The following OCLN variants were observed in gnomAD, a reference collection of about 807,000 sequenced individuals.
The protein encoded by OCLN is occludin, also known as phosphatase 1, regulatory subunit 115.
A neutral mutation model predicts 47.9 loss-of-function variants in OCLN; 21 were observed. The observed-to-expected ratio is 0.44, with a 90% confidence interval of 0.31 to 0.63. The LOEUF is 0.63. Ranked by LOEUF, OCLN falls within the 30% of genes least tolerant of loss-of-function variation. The pLI, the probability that OCLN is intolerant of heterozygous loss-of-function variation, is 0.08. For synonymous variants in OCLN, 117 were observed against 198.4 expected (o/e 0.59, Z 3.45); for missense variants, 360 against 571.0 (o/e 0.63, Z 3.77).
chr5:69,497,737 G>A (rs900925290), intron 1 of OCLN, among the ~76,000 whole-genome samples: 3 of 152,142 alleles, frequency 2.0e-5, no homozygotes, highest in Non-Finnish European at 4.4e-5. Context: ...ACATAGTTTA[G>A]AATGTGATGT....
intron 1 of OCLN, among the ~76,000 whole-genome samples, chr5:69,499,209 T>TGGC (rs1768388291): frequency 6.6e-6 from 1 of 152,110 alleles, no homozygotes; most frequent in Non-Finnish European, 1.5e-5. Flanking sequence ...AGCTGGAACT[T>TGGC]ACAGGGATGT....
At chr5:69,512,662 G>C (rs1489838932) in intron 3 of OCLN, among the ~76,000 whole-genome samples, 4 of 152,182 alleles carry the variant, frequency 2.6e-5, no homozygotes, top group African/African-American at 4.8e-5. Context: ...ACAATTACAA[G>C]TCTTCTGATT....
At position 69,519,216 on chromosome 5, in the gene OCLN, C is replaced by T. The variant is rs192726458; in HGVS notation, c.891+5107C>T. 7.4e-4 allele frequency among the ~76,000 whole-genome samples: 112 copies of T among 152,258 alleles called. 1 individual carries two copies. Among genetic ancestry groups the T allele is most frequent in the African/African-American group, 2.2e-3 (92 of 41,566 alleles). ...TTAATCCCTCCCTACAGATTGGGGTCGGTCTAGAATTTTATTATGTTACTA... is the reference window on the plus strand; with the variant it reads ...TTAATCCCTCCCTACAGATTGGGGTTGGTCTAGAATTTTATTATGTTACTA... On this transcript the variant is annotated intron_variant, in intron 4 of 8. Coordinates refer to ENST00000396442, the MANE Select transcript of OCLN (RefSeq NM_001205254.2).
At chr5:69,515,022 T>C (rs1277248576) in intron 4 of OCLN, among the ~76,000 whole-genome samples, 1 of 152,170 alleles carries the variant, frequency 6.6e-6, no homozygotes, top group Non-Finnish European at 1.5e-5. Flanking sequence ...CATGGCCCTT[T>C]CTCAATGAGC....
At chr5:69,498,879 A>C (rs919706717) in intron 1 of OCLN, among the ~76,000 whole-genome samples, 2 of 152,030 alleles carry the variant, frequency 1.3e-5, no homozygotes, top group East Asian at 1.9e-4. Context: ...GGGTTTCACC[A>C]TGTTGGCCAG....
At chr5:69,497,318 G>T (rs956877270) in intron 1 of OCLN, among the ~76,000 whole-genome samples, 31 of 150,850 alleles carry the variant, frequency 2.1e-4, no homozygotes, top group African/African-American at 7.3e-4. Flanking sequence ...TTCTTCTGAC[G>T]TTAAGTTCTC....
Position 69,509,401 on chromosome 5 carries a change from A to T in OCLN, c.311A>T (p.Tyr104Phe). The change falls in exon 3 of 9, where the codon TAC (tyrosine) becomes TTC (phenylalanine). Residue 104 changes from tyrosine (Y) to phenylalanine (F), a missense_variant. By Grantham distance (22) the Tyr-to-Phe change is conservative. This residue lies in a region of OCLN where 314 missense variants were observed against 368.1 expected (regional missense o/e 0.85). Transcript: ENST00000396442. Reference sequence around the variant, plus strand: ...TCCCTTTTAGGAGGTAGTGTAGGCTACCCTTATGGAGGAAGTGGCTTTGGT... The same window carrying T: ...TCCCTTTTAGGAGGTAGTGTAGGCTTCCCTTATGGAGGAAGTGGCTTTGGT... ...GTSLLGGSVG[Y>F]PYGGSGFGSY... 1 of 1,614,158 alleles carries T rather than the reference A, an allele frequency of 6.2e-7. No individual in the cohort carries two copies. Among genetic ancestry groups the T allele is most frequent in the Non-Finnish European group, 8.5e-7 (1 of 1,180,016 alleles).
chr5:69,536,191 G>T (rs1383452045), intron 5 of OCLN, among the ~76,000 whole-genome samples: 1 of 152,032 alleles, frequency 6.6e-6, no homozygotes, highest in Non-Finnish European at 1.5e-5. Flanking sequence ...TGTAGGACTG[G>T]AAGTTGCTCT....
At chr5:69,536,709 C>T (rs1220325718) in intron 5 of OCLN, among the ~76,000 whole-genome samples, 3 of 151,596 alleles carry the variant, frequency 2.0e-5, no homozygotes, top group Non-Finnish European at 4.4e-5. Context: ...TGGCTCACCC[C>T]TGTAATCCCA....
intron 2 of OCLN, 49 bp from the exon 3 acceptor site, chr5:69,509,092 C>T: frequency 6.7e-7 from 1 of 1,484,814 alleles, no homozygotes; most frequent in Non-Finnish European, 9.4e-7. Context: ...GTTCTTTCTG[C>T]TTACTACCAA....
chr5:69,525,391 A>G (rs982086762), intron 4 of OCLN, among the ~76,000 whole-genome samples: 4 of 152,140 alleles, frequency 2.6e-5, no homozygotes, highest in African/African-American at 9.7e-5. Flanking sequence ...GGCGTGAGCC[A>G]CCGTGCCTGG....
intron 7 of OCLN, among the ~76,000 whole-genome samples, chr5:69,550,380 C>T (rs1174382910): frequency 1.1e-4 from 16 of 149,012 alleles, no homozygotes; most frequent in Admixed American, 4.7e-4. Flanking sequence ...TTAGTAGAGA[C>T]GGGGTTTTGC....
intron 1 of OCLN, among the ~76,000 whole-genome samples, chr5:69,502,209 A>G (rs998653277): frequency 2.6e-4 from 39 of 152,126 alleles, no homozygotes; most frequent in African/African-American, 9.2e-4. Flanking sequence ...AAAAAAAAAA[A>G]AGAGTTGCCA....
intron 7 of OCLN, among the ~76,000 whole-genome samples, chr5:69,550,091 T>G (rs1314401158): frequency 6.9e-6 from 1 of 145,404 alleles, no homozygotes; most frequent in African/African-American, 2.5e-5. Flanking sequence ...AGAGTCATTT[T>G]CTATGGATAG....
chr5:69,536,776 G>A (rs1382784000), intron 5 of OCLN, among the ~76,000 whole-genome samples: 4 of 151,886 alleles, frequency 2.6e-5, no homozygotes, highest in Non-Finnish European at 4.4e-5. Context: ...AGACCATCCT[G>A]GCTAACAGGG....
chr5:69,508,745 C>T (rs1026243008), intron 2 of OCLN, among the ~76,000 whole-genome samples: 1 of 152,154 alleles, frequency 6.6e-6, no homozygotes, highest in South Asian at 2.1e-4. Flanking sequence ...ATTACAGTTA[C>T]CCATTCCACT....
chr5:69,549,466 A>G (rs1769801797), intron 7 of OCLN, among the ~76,000 whole-genome samples: 1 of 147,660 alleles, frequency 6.8e-6, no homozygotes, highest in Non-Finnish European at 1.5e-5. Context: ...AATCTCTCCA[A>G]GCAGGAGTCA....
chr5:69,527,923 T>C (rs1769326040), intron 4 of OCLN, among the ~76,000 whole-genome samples: 1 of 152,162 alleles, frequency 6.6e-6, no homozygotes, highest in Non-Finnish European at 1.5e-5. Flanking sequence ...TAGTTCTCAT[T>C]GGTCTATATT....
intron 4 of OCLN, among the ~76,000 whole-genome samples, chr5:69,530,967 C>A (rs1228944266): frequency 6.6e-6 from 1 of 152,176 alleles, no homozygotes; most frequent in African/African-American, 2.4e-5. Context: ...TTTGGAGACT[C>A]GAAGAGGAAA....
Sources: allele counts gnomAD v4.1 joint callset (sites outside exome capture counted in the v4.1 genomes callset), GRCh38; gene constraint gnomAD v4.1.1; regional missense constraint gnomAD v4.1.1; transcripts MANE v1.5; gene names NCBI Gene and HGNC (gene_info 2026-07-23, HGNC 2026-07-21).